SGCZ: variants seen among roughly 807,000 people sequenced by gnomAD.
SGCZ encodes zeta-sarcoglycan.
SGCZ carries 40 observed loss-of-function variants against 41.3 expected under a neutral mutation model. The observed-to-expected ratio is 0.97, with a 90% CI of 0.75 to 1.26. The LOEUF is 1.26. Among genes scored for constraint, SGCZ ranks in the 50% most tolerant of loss-of-function variants. The pLI is 0.00. For missense variants in SGCZ, 552 were observed against 369.8 expected (o/e 1.49, Z -4.04); for synonymous variants, 206 against 137.5 (o/e 1.50, Z -3.49).
intron 2 of SGCZ, among the ~76,000 whole-genome samples, chr8:14,543,087 T>C (rs1415311121): frequency 6.6e-6 from 1 of 151,970 alleles, no homozygotes; most frequent in East Asian, 1.9e-4. Context: ...TTGGATATTT[T>C]ATTTAGGAAC....
intron 4 of SGCZ, among the ~76,000 whole-genome samples, chr8:14,230,036 C>A (rs889341241): frequency 6.6e-6 from 1 of 152,182 alleles, no homozygotes; most frequent in Middle Eastern, 3.4e-3. Context: ...TTACCTTCTT[C>A]ATTTTAAATT....
intron 1 of SGCZ, among the ~76,000 whole-genome samples, chr8:15,044,495 A>G (rs1178376662): frequency 1.3e-5 from 2 of 152,192 alleles, no homozygotes; most frequent in Non-Finnish European, 2.9e-5. Context: ...TTCCCCAAAA[A>G]TACATACAGA....
At chr8:14,825,121 C>T (rs776059018) in intron 1 of SGCZ, among the ~76,000 whole-genome samples, 25 of 152,170 alleles carry the variant, frequency 1.6e-4, no homozygotes, top group Non-Finnish European at 3.2e-4. Context: ...TGGTAATCTA[C>T]ACTACTTCCT....
intron 1 of SGCZ, among the ~76,000 whole-genome samples, chr8:14,887,068 C>G (rs895729947): frequency 1.3e-5 from 2 of 152,076 alleles, no homozygotes; most frequent in African/African-American, 4.8e-5. Context: ...GCAAGAGGAA[C>G]AGGTTGAAGG....
At chr8:14,485,783 C>T (rs180732229) in intron 2 of SGCZ, among the ~76,000 whole-genome samples, 1 of 151,846 alleles carries the variant, frequency 6.6e-6, no homozygotes, top group East Asian at 1.9e-4. Flanking sequence ...TCTATGACAG[C>T]AGGCACAAGG....
chr8:14,629,561 G>T (rs937269180), intron 1 of SGCZ, among the ~76,000 whole-genome samples: 2 of 152,062 alleles, frequency 1.3e-5, no homozygotes, highest in Non-Finnish European at 2.9e-5. Context: ...CAAGAGGCTT[G>T]CCATCCACTG....
At chr8:14,500,529 A>T in intron 2 of SGCZ, among the ~76,000 whole-genome samples, 1 of 151,902 alleles carries the variant, frequency 6.6e-6, no homozygotes, top group East Asian at 1.9e-4. Flanking sequence ...GCAAATAACA[A>T]TTTTTTCAAG....
intron 1 of SGCZ, among the ~76,000 whole-genome samples, chr8:14,687,204 A>G (rs976617387): frequency 6.8e-6 from 1 of 147,882 alleles, no homozygotes; most frequent in African/African-American, 2.5e-5. Context: ...TAATTTTATT[A>G]TTATTATACT....
intron 1 of SGCZ, among the ~76,000 whole-genome samples, chr8:14,621,092 T>A (rs868218794): frequency 6.6e-6 from 1 of 151,988 alleles, no homozygotes; most frequent in African/African-American, 2.4e-5. Flanking sequence ...ATATACACCA[T>A]GGAATACTAT....
intron 1 of SGCZ, among the ~76,000 whole-genome samples, chr8:14,892,009 G>C (rs1180063640): frequency 1.3e-5 from 2 of 152,122 alleles, no homozygotes; most frequent in South Asian, 4.1e-4. Flanking sequence ...ACATGCACTG[G>C]GCAACCAACA....
chr8:15,209,707 T>A (rs1390417920), intron 1 of SGCZ, among the ~76,000 whole-genome samples: 1 of 152,086 alleles, frequency 6.6e-6, no homozygotes, highest in Non-Finnish European at 1.5e-5. Flanking sequence ...CAAACTCACA[T>A]ATTTCAAGTT....
chr8:14,257,066 C>T (rs991328493), intron 3 of SGCZ, among the ~76,000 whole-genome samples: 3 of 152,098 alleles, frequency 2.0e-5, no homozygotes, highest in Non-Finnish European at 4.4e-5. Context: ...CGTGGTGGCT[C>T]ATGCCTCTAA....
intron 2 of SGCZ, among the ~76,000 whole-genome samples, chr8:14,436,174 C>T (rs1330032083): frequency 1.3e-5 from 2 of 152,116 alleles, no homozygotes; most frequent in Non-Finnish European, 2.9e-5. Context: ...CGACCTCTTG[C>T]CAGTGTTCCT....
At chr8:14,532,638 T>A (rs768474045) in intron 2 of SGCZ, among the ~76,000 whole-genome samples, 1 of 146,800 alleles carries the variant, frequency 6.8e-6, no homozygotes, top group Non-Finnish European at 1.5e-5. Context: ...CCATCTGAAC[T>A]TTGAAGCTGG....
chr8:14,774,891 T>A (rs192951321), intron 1 of SGCZ, among the ~76,000 whole-genome samples: 67 of 152,310 alleles, frequency 4.4e-4, no homozygotes, highest in African/African-American at 1.5e-3. Context: ...TTAATTACCT[T>A]ACATGTAGGT....
At chr8:14,875,914 G>C (rs1407169781) in intron 1 of SGCZ, among the ~76,000 whole-genome samples, 2 of 152,114 alleles carry the variant, frequency 1.3e-5, no homozygotes, top group East Asian at 3.9e-4. Context: ...AGTTATTCTG[G>C]AGCTTTCAGA....
intron 1 of SGCZ, among the ~76,000 whole-genome samples, chr8:15,030,429 T>G (rs1045256497): frequency 2.0e-5 from 3 of 152,174 alleles, no homozygotes; most frequent in African/African-American, 7.2e-5. Flanking sequence ...AACCTCATGG[T>G]AAATATTTCA....
chr8:14,358,610 G>T (rs1451848656), intron 2 of SGCZ, among the ~76,000 whole-genome samples: 1 of 151,690 alleles, frequency 6.6e-6, no homozygotes, highest in Non-Finnish European at 1.5e-5. Context: ...ATCCTGTAAG[G>T]TATATATATA....
At chr8:15,130,037 T>C (rs1354359901) in intron 1 of SGCZ, among the ~76,000 whole-genome samples, 2 of 152,194 alleles carry the variant, frequency 1.3e-5, no homozygotes, top group Non-Finnish European at 2.9e-5. Flanking sequence ...TGAGTTGTTC[T>C]TTTCTCTCTT....
Sources: allele counts gnomAD v4.1 joint callset (sites outside exome capture counted in the v4.1 genomes callset), GRCh38; gene constraint gnomAD v4.1.1; transcripts MANE v1.5; gene names NCBI Gene and HGNC (gene_info 2026-07-23, HGNC 2026-07-21).